PTPRD: variants seen among roughly 807,000 people sequenced by gnomAD.
PTPRD encodes protein tyrosine phosphatase receptor type D.
A neutral mutation model predicts 214.5 loss-of-function variants in PTPRD; 34 were observed. The ratio of observed to expected loss-of-function variants is 0.16; its 90% CI spans 0.12 to 0.21. PTPRD has a LOEUF of 0.21. Among genes scored for constraint, PTPRD ranks in the 10% least tolerant of loss-of-function variants. The pLI is 1.00. For missense variants in PTPRD, 2,545 were observed against 2,398.7 expected (o/e 1.06, Z -1.27); for synonymous variants, 1,128 against 845.7 (o/e 1.33, Z -5.79).
At position 10,459,416 on chromosome 9, in the gene PTPRD, A is replaced by C. The variant is rs543823016; in HGVS notation, c.-599-118399T>G. 2.1e-4 allele frequency among the ~76,000 whole-genome samples: 32 copies of C among 152,310 alleles called. 2 individuals are homozygous for C. In the South Asian group the frequency reaches 6.0e-3, roughly 29 times the overall value. On this transcript the variant is annotated intron_variant, in intron 2 of 45. Transcript: ENST00000381196. ...TTTATAATCCTTTGGGTATATACCC[A>C]GTAATGGGATTGCTGGGTCAAATGG...
At chr9:9,293,957 A>G (rs1475063547) in intron 9 of PTPRD, among the ~76,000 whole-genome samples, 1 of 151,580 alleles carries the variant, frequency 6.6e-6, no homozygotes, top group Non-Finnish European at 1.5e-5. Context: ...GCATATTCAA[A>G]TGGCCAGCAT....
rs2133473931 is a variant in PTPRD at position 8,449,824 on chromosome 9, A to G, written c.3889T>C (p.Ser1297Pro). ...GGTATGCTGCTTTTTCTAGAGTCGGACTCTGCCCTCTTCCTATAGGGGGAA... is the reference window on the plus strand; with the variant it reads ...GGTATGCTGCTTTTTCTAGAGTCGGGCTCTGCCCTCTTCCTATAGGGGGAA... ...ILLYKRKRAE[S>P]DSRKSSIPNN... is the part of the protein sequence containing the mutation. Residue 1297 changes from serine (S) to proline (P), a missense_variant, in exon 34 of 46, where the codon TCC (serine) becomes CCC (proline). By Grantham distance (74) the Ser-to-Pro change is moderately conservative (BLOSUM62 -1). Transcript: ENST00000381196. 1 of 1,613,796 alleles carries G rather than the reference A, an allele frequency of 6.2e-7. No individual in the cohort carries two copies. Among genetic ancestry groups the G allele is most frequent in the African/African-American group, 1.3e-5 (1 of 74,938 alleles).
chr9:9,712,458 A>G (rs914802511), intron 7 of PTPRD, among the ~76,000 whole-genome samples: 40 of 152,306 alleles, frequency 2.6e-4, no homozygotes, highest in African/African-American at 8.9e-4. Flanking sequence ...TGCACTTGCC[A>G]AAAGCATGAT....
At chr9:8,920,771 C>T (rs1298972918) in intron 11 of PTPRD, among the ~76,000 whole-genome samples, 1 of 152,068 alleles carries the variant, frequency 6.6e-6, no homozygotes, top group African/African-American at 2.4e-5. Flanking sequence ...ACAACAGAGT[C>T]TATTATTCCT....
chr9:10,558,387 T>G (rs1057296319), intron 2 of PTPRD, among the ~76,000 whole-genome samples: 1 of 152,126 alleles, frequency 6.6e-6, no homozygotes, highest in Non-Finnish European at 1.5e-5. Context: ...TAATTTGACT[T>G]TAAGATTCTT....
chr9:9,916,702 C>T (rs758367382), intron 5 of PTPRD, among the ~76,000 whole-genome samples: 2 of 151,884 alleles, frequency 1.3e-5, no homozygotes, highest in Non-Finnish European at 2.9e-5. Context: ...AACAAAGAAA[C>T]ATCAGATTTA....
intron 12 of PTPRD, among the ~76,000 whole-genome samples, chr9:8,727,759 C>T (rs1025631740): frequency 4.3e-4 from 65 of 152,108 alleles, no homozygotes; most frequent in Non-Finnish European, 7.8e-4. Flanking sequence ...CTCAAGCAAT[C>T]CTCCCTCTTC....
At chr9:9,856,792 C>T (rs907596771) in intron 5 of PTPRD, among the ~76,000 whole-genome samples, 6 of 151,994 alleles carry the variant, frequency 3.9e-5, no homozygotes, top group Non-Finnish European at 8.8e-5. Flanking sequence ...GAATGGATGC[C>T]CCCATGGAAA....
At chr9:8,563,805 G>C (rs1458186137) in intron 14 of PTPRD, among the ~76,000 whole-genome samples, 2 of 152,036 alleles carry the variant, frequency 1.3e-5, no homozygotes, top group Non-Finnish European at 2.9e-5. Flanking sequence ...GGGACTACAG[G>C]CATGTGCCAT....
At position 8,386,858 on chromosome 9, in the gene PTPRD, G is replaced by T. The variant is rs150323195; in HGVS notation, c.4386+2374C>A. Among the ~76,000 whole-genome samples the T allele has an allele frequency of 1.6e-3, 242 of 152,300 alleles. 2 individuals are homozygous for T. The highest frequency in any genetic ancestry group is 5.3e-3 in the African/African-American group (222 of 41,576). ...AAAGGGTGAGATGGGAATGATGGGAGGGAGGAAGACGGAAGAGCAGATGAA... is the reference window on the plus strand; with the variant it reads ...AAAGGGTGAGATGGGAATGATGGGATGGAGGAAGACGGAAGAGCAGATGAA... On this transcript the variant is annotated intron_variant, in intron 37 of 45. Coordinates refer to ENST00000381196, the MANE Select transcript of PTPRD (RefSeq NM_002839.4).
chr9:8,772,999 C>A (rs993070783), intron 11 of PTPRD, among the ~76,000 whole-genome samples: 2 of 152,068 alleles, frequency 1.3e-5, no homozygotes, highest in South Asian at 4.1e-4. Flanking sequence ...ACTTCTGAAG[C>A]AAAACCCTTG....
intron 11 of PTPRD, among the ~76,000 whole-genome samples, chr9:8,907,644 A>G (rs567471327): frequency 2.3e-4 from 35 of 151,276 alleles, no homozygotes; most frequent in Non-Finnish European, 3.5e-4. Flanking sequence ...TTTTGTGTTT[A>G]ATGGTACAAT....
chr9:8,328,707 C>T (rs965961565), intron 44 of PTPRD, among the ~76,000 whole-genome samples: 2 of 152,022 alleles, frequency 1.3e-5, no homozygotes, highest in African/African-American at 4.8e-5. Context: ...TCCCATATTT[C>T]TCGGAGGCTT....
At chr9:10,431,573 TCAAA>T (rs1249180245) in intron 2 of PTPRD, among the ~76,000 whole-genome samples, 1 of 151,128 alleles carries the variant, frequency 6.6e-6, no homozygotes, top group Non-Finnish European at 1.5e-5. Context: ...TACAATGAAC[TCAAA>T]CAAATTTACA....
intron 2 of PTPRD, among the ~76,000 whole-genome samples, chr9:10,439,572 G>C (rs1035366955): frequency 6.6e-6 from 1 of 151,534 alleles, no homozygotes; most frequent in Non-Finnish European, 1.5e-5. Flanking sequence ...TCACTATTAA[G>C]TCAGGCAGAA....
intron 2 of PTPRD, among the ~76,000 whole-genome samples, chr9:10,422,392 G>A (rs1227435116): frequency 6.6e-6 from 1 of 151,994 alleles, no homozygotes; most frequent in South Asian, 2.1e-4. Flanking sequence ...TCAGGACATA[G>A]GCATGGGTAA....
intron 10 of PTPRD, among the ~76,000 whole-genome samples, chr9:9,118,481 C>A (rs767385910): frequency 3.3e-5 from 5 of 152,130 alleles, no homozygotes; most frequent in African/African-American, 4.8e-5. Context: ...GGCTTCCTAT[C>A]TACTTTTTAG....
At chr9:10,060,903 T>C (rs887292325) in intron 3 of PTPRD, among the ~76,000 whole-genome samples, 7 of 61,014 alleles carry the variant, frequency 1.1e-4, no homozygotes, top group Admixed American at 1.7e-4. Context: ...CTTCCTTCTT[T>C]CTTTCTTTCT....
At chr9:9,672,942 G>A (rs149759599) in intron 7 of PTPRD, among the ~76,000 whole-genome samples, 30 of 152,116 alleles carry the variant, frequency 2.0e-4, no homozygotes, top group African/African-American at 6.0e-4. Context: ...TGACTCTAGC[G>A]TAAATCTGTT....
Sources: gnomAD v4.1 joint callset for allele counts (sites outside exome capture counted in the v4.1 genomes callset) on GRCh38, gnomAD v4.1.1 for gene constraint, MANE v1.5 for transcripts, NCBI Gene and HGNC (gene_info 2026-07-23, HGNC 2026-07-21) for gene names.